The following WDR72 variants were observed in gnomAD, a reference collection of about 807,000 sequenced individuals.
The protein encoded by WDR72 is WD repeat-containing protein 72.
In WDR72, 120 loss-of-function variants were observed where a neutral mutation model predicts 124.2. The ratio of observed to expected loss-of-function variants is 0.97; its 90% CI spans 0.83 to 1.12. The LOEUF (loss-of-function observed/expected upper bound fraction) is 1.12, where lower values mean the gene tolerates loss of function less well. Ranked by LOEUF, WDR72 falls within the 50% of genes most tolerant of loss-of-function variation. WDR72 has a pLI of 0.00. For missense variants in WDR72, 1,387 were observed against 1,278.8 expected (o/e 1.08, Z -1.29); for synonymous variants, 452 against 441.7 (o/e 1.02, Z -0.29).
chr15:53,726,398 CCAGT>C (rs2018040196), intron 2 of WDR72, among the ~76,000 whole-genome samples: 1 of 150,934 alleles, frequency 6.6e-6, no homozygotes, highest in Non-Finnish European at 1.5e-5. Flanking sequence ...CCTGTACCTT[CCAGT>C]CAGTTTTGCT....
At chr15:53,581,313 C>T (rs1015920146) in intron 18 of WDR72, among the ~76,000 whole-genome samples, 2 of 151,932 alleles carry the variant, frequency 1.3e-5, no homozygotes, top group African/African-American at 4.8e-5. Context: ...GATCTTGAGA[C>T]CAAAAGTTTA....
At chr15:53,703,703 C>T (rs570981710) in intron 11 of WDR72, among the ~76,000 whole-genome samples, 1 of 152,170 alleles carries the variant, frequency 6.6e-6, no homozygotes, top group Middle Eastern at 3.4e-3. Context: ...TTCCCACTAA[C>T]CACACTGCTT....
Position 53,553,002 on chromosome 15 carries a change from C to T in WDR72, c.3149-29680G>A, listed in dbSNP as rs79631823. Reference sequence around the variant, plus strand: ...GAAAAATAACTTCAGTCACTGTCAACGGTCAATATCATTTAAATCTCTAGA... The same window carrying T: ...GAAAAATAACTTCAGTCACTGTCAATGGTCAATATCATTTAAATCTCTAGA... On this transcript the variant is annotated intron_variant, in intron 18 of 19. Coordinates refer to ENST00000360509, the MANE Select transcript of WDR72 (RefSeq NM_182758.4). Among the ~76,000 whole-genome samples the T allele has an allele frequency of 8.4e-3, 1,270 of 152,046 alleles. 10 individuals are homozygous for T. The highest frequency in any genetic ancestry group is 0.027 in the African/African-American group (1,111 of 41,482).
At chr15:53,703,372 C>G (rs2017243396) in intron 11 of WDR72, among the ~76,000 whole-genome samples, 1 of 151,798 alleles carries the variant, frequency 6.6e-6, no homozygotes, top group African/African-American at 2.4e-5. Flanking sequence ...GACTTGCATC[C>G]AAGTGTGAAA....
intron 9 of WDR72, among the ~76,000 whole-genome samples, chr15:53,707,172 C>A (rs1268208401): frequency 6.6e-6 from 1 of 152,120 alleles, no homozygotes; most frequent in Admixed American, 6.5e-5. Context: ...GCTTCCTAGT[C>A]AGAAAATACA....
chr15:53,694,079 T>C (rs758069827), intron 13 of WDR72, among the ~76,000 whole-genome samples: 4 of 152,104 alleles, frequency 2.6e-5, no homozygotes, highest in Non-Finnish European at 5.9e-5. Flanking sequence ...GAGATGTCCT[T>C]AGGTCTGGAA....
intron 18 of WDR72, among the ~76,000 whole-genome samples, chr15:53,571,043 GAA>G (rs1253257688): frequency 6.6e-6 from 1 of 151,966 alleles, no homozygotes; most frequent in East Asian, 1.9e-4. Context: ...AACTCAAACA[GAA>G]AGCCAAATAC....
intron 17 of WDR72, among the ~76,000 whole-genome samples, chr15:53,608,895 CA>C (rs1194314205): frequency 1.3e-5 from 2 of 151,644 alleles, no homozygotes; most frequent in African/African-American, 4.8e-5. Context: ...TAATAGGTGC[CA>C]AAAAATGTTA....
intron 12 of WDR72, among the ~76,000 whole-genome samples, chr15:53,700,566 T>C (rs1317605936): frequency 6.6e-6 from 1 of 152,040 alleles, no homozygotes; most frequent in African/African-American, 2.4e-5. Context: ...GTGGTTACCT[T>C]GAACAGGTTA....
intron 13 of WDR72, among the ~76,000 whole-genome samples, chr15:53,681,455 G>C (rs1489570646): frequency 6.6e-6 from 1 of 152,040 alleles, no homozygotes; most frequent in Admixed American, 6.6e-5. Flanking sequence ...TGAAGCCCCC[G>C]TAAACATTAA....
intron 14 of WDR72, among the ~76,000 whole-genome samples, chr15:53,636,780 C>T (rs1426067415): frequency 1.3e-5 from 2 of 152,084 alleles, no homozygotes; most frequent in East Asian, 1.9e-4. Flanking sequence ...TCCACAATCA[C>T]ACAGGTAACG....
chr15:53,561,843 A>G (rs1184209965), intron 18 of WDR72, among the ~76,000 whole-genome samples: 1 of 151,810 alleles, frequency 6.6e-6, no homozygotes, highest in Non-Finnish European at 1.5e-5. Flanking sequence ...TATTTTTTAA[A>G]AGCTCCCCAG....
intron 14 of WDR72, among the ~76,000 whole-genome samples, chr15:53,641,620 C>A (rs2633250): frequency 0.078 from 11,836 of 151,890 alleles, 1,534 homozygotes; most frequent in African/African-American, 0.27. Flanking sequence ...GGGACTATAT[C>A]ATTTTGTTAA....
intron 13 of WDR72, among the ~76,000 whole-genome samples, chr15:53,670,850 C>A (rs905324133): frequency 6.6e-6 from 1 of 152,118 alleles, no homozygotes; most frequent in African/African-American, 2.4e-5. Flanking sequence ...AGCTGATTAA[C>A]AAACCTCTTT....
intron 14 of WDR72, among the ~76,000 whole-genome samples, chr15:53,641,125 A>G (rs1487608455): frequency 3.3e-5 from 5 of 151,900 alleles, no homozygotes; most frequent in Non-Finnish European, 1.5e-5. Context: ...ATTCATCTGA[A>G]GTTTATTTTT....
chr15:53,646,990 C>G (rs539887705), intron 14 of WDR72, among the ~76,000 whole-genome samples: 3 of 152,186 alleles, frequency 2.0e-5, no homozygotes, highest in Admixed American at 2.0e-4. Context: ...ATTATCCTTT[C>G]TTGGTACAAT....
intron 18 of WDR72, among the ~76,000 whole-genome samples, chr15:53,586,664 A>G (rs1365565902): frequency 1.3e-5 from 2 of 152,188 alleles, no homozygotes; most frequent in Admixed American, 1.3e-4. Context: ...ATCAGCCAGC[A>G]ATATTTACTC....
intron 18 of WDR72, among the ~76,000 whole-genome samples, chr15:53,551,381 C>G (rs1893721871): frequency 6.6e-6 from 1 of 152,152 alleles, no homozygotes; most frequent in African/African-American, 2.4e-5. Flanking sequence ...AAAGATCGTA[C>G]TGACTGCTGT....
chr15:53,531,255 A>G (rs1051309815), intron 18 of WDR72, among the ~76,000 whole-genome samples: 1 of 152,048 alleles, frequency 6.6e-6, no homozygotes, highest in Admixed American at 6.6e-5. Context: ...AACGAAAGAC[A>G]TGCTTGGATG....
Sources: allele counts gnomAD v4.1 joint callset (sites outside exome capture counted in the v4.1 genomes callset), GRCh38; gene constraint gnomAD v4.1.1; transcripts MANE v1.5; gene names NCBI Gene and HGNC (gene_info 2026-07-23, HGNC 2026-07-21).